Variants in EGFL7 observed in about 807,000 individuals in gnomAD.
The protein encoded by EGFL7 is epidermal growth factor-like protein 7.
Under a neutral mutation model 37.1 loss-of-function variants are expected in EGFL7, and 48 were observed. That is an observed-to-expected ratio of 1.29 (90% confidence interval 1.03 to 1.65). The LOEUF is 1.65. Ranked by LOEUF, EGFL7 falls within the 40% of genes most tolerant of loss-of-function variation. EGFL7 has a pLI of 0.00. For synonymous variants in EGFL7, 180 were observed against 156.8 expected (o/e 1.15, Z -1.10); for missense variants, 384 against 378.9 (o/e 1.01, Z -0.11).
At chr9:136,667,518 G>A (rs560886312) in intron 3 of EGFL7, among the ~76,000 whole-genome samples, 1 of 152,322 alleles carries the variant, frequency 6.6e-6, no homozygotes, top group Admixed American at 6.5e-5. Flanking sequence ...CAGCCAGGAG[G>A]GGGTTGGATT....
rs573709708 is a variant in EGFL7 at position 136,670,386 on chromosome 9, C to T, written c.571+56C>T. 10 of 1,492,752 alleles carry T rather than the reference C, an allele frequency of 6.7e-6. No individual in the cohort carries two copies. In the East Asian group the frequency reaches 7.4e-5, roughly 11 times the overall value. 92.5% of individuals were successfully genotyped at this position (1,492,752 alleles called of 1,614,324 possible). On this transcript the variant is annotated intron_variant, in intron 8 of 10. Transcript: ENST00000308874. ...GAGGCGGGCAGGCAGTGGACATTGCCGTGTGGCTGTTAGGCATGGTGGGGG... is the reference window on the plus strand; with the variant it reads ...GAGGCGGGCAGGCAGTGGACATTGCTGTGTGGCTGTTAGGCATGGTGGGGG...
upstream of EGFL7, among the ~76,000 whole-genome samples, chr9:136,662,349 C>T (rs1040874427): frequency 6.6e-6 from 1 of 152,176 alleles, no homozygotes; most frequent in South Asian, 2.1e-4. Flanking sequence ...CAGGGACCCA[C>T]GGAACAGGCT....
rs949230432 is a variant in EGFL7 at position 136,672,571 on chromosome 9, C to A, written c.*285C>A. On this transcript the variant is annotated 3_prime_UTR_variant, in exon 11 of 11. Transcript: ENST00000308874. ...CCTCAGCTGAGGGAAGGTACGAGCT[C>A]CCTGCTGGAGCCTGGGACCCATGGC... The A allele has an allele frequency of 3.5e-6, 2 of 572,822 alleles. No homozygotes were observed. The highest frequency in any genetic ancestry group is 3.7e-5 in the African/African-American group (2 of 53,436). 35.5% of individuals were successfully genotyped at this position (572,822 alleles called of 1,614,324 possible). A position where few individuals can be genotyped will look rare whatever the true frequency, so the allele number is the denominator to read the frequency against.
intron 8 of EGFL7, chr9:136,670,683 G>A (rs765848132): frequency 4.0e-5 from 31 of 772,808 alleles, no homozygotes; most frequent in South Asian, 2.0e-4. Context: ...CGCCGTCCAC[G>A]GCACCGCATC....
rs891745494 is a variant in EGFL7 at position 136,666,590 on chromosome 9, G to A, written c.-42-1651G>A. On this transcript the variant is annotated intron_variant, in intron 3 of 10. Coordinates refer to ENST00000308874, the MANE Select transcript of EGFL7 (RefSeq NM_016215.5). This position sits in a 1 kb window ranked among gnomAD's most constrained non-coding sequence, Gnocchi z 6.8. ...CTTTCAAAAATTGAGTCTCCACTTAGCACCGCTTCCTGTCCAGGCGACTCT... is the reference window on the plus strand; with the variant it reads ...CTTTCAAAAATTGAGTCTCCACTTAACACCGCTTCCTGTCCAGGCGACTCT... Among the ~76,000 whole-genome samples, 1 of 151,962 alleles carries A rather than the reference G, an allele frequency of 6.6e-6. No homozygotes were observed. The highest frequency in any genetic ancestry group is 1.5e-5 in the Non-Finnish European group (1 of 67,960).
chr9:136,671,614 C>T (rs1270956691), intron 9 of EGFL7, among the ~76,000 whole-genome samples: 2 of 151,514 alleles, frequency 1.3e-5, no homozygotes, highest in Admixed American at 6.6e-5. Context: ...GACCTCCCCA[C>T]CCCCCCATCT....
chr9:136,665,719 T>TGGGGCGGGGCCGGGGGC (rs1564273425), intron 3 of EGFL7: 4 of 12,858 alleles, frequency 3.1e-4, no homozygotes, highest in Admixed American at 4.4e-4. Context: ...GGCCGCCAGG[T>TGGGGCGGGGCCGGGGGC]GGGGCGGGGC....
chr9:136,670,147 C>G, intron 7 of EGFL7, 22 bp from the exon 8 acceptor site: 1 of 1,612,608 alleles, frequency 6.2e-7, no homozygotes, highest in African/African-American at 1.3e-5. Context: ...GGCATGGCCG[C>G]CTGACACCCC....
intron 5 of EGFL7, 31 bp from the exon 6 acceptor site, chr9:136,669,575 G>A (rs1845701587): frequency 6.6e-7 from 1 of 1,523,980 alleles, no homozygotes; most frequent in Non-Finnish European, 9.0e-7. Flanking sequence ...GGAGTAGGAT[G>A]CCCCTCTGAG....
At chr9:136,665,719 T>G (rs1416134244) in intron 3 of EGFL7, 5 of 12,880 alleles carry the variant, frequency 3.9e-4, no homozygotes, top group East Asian at 1.3e-3. Flanking sequence ...GGCCGCCAGG[T>G]GGGGCGGGGC....
chr9:136,671,278 CG>C (rs59534073), intron 9 of EGFL7, among the ~76,000 whole-genome samples: 4 of 19,878 alleles, frequency 2.0e-4, no homozygotes, highest in African/African-American at 4.5e-4. Context: ...GATGAGGCGT[CG>C]GGGGGGGAGG....
chr9:136,669,750 G>A (rs1398598239), intron 6 of EGFL7, 29 bp downstream of exon 6: 3 of 1,521,996 alleles, frequency 2.0e-6, no homozygotes, highest in African/African-American at 1.4e-5. Context: ...GGCGCCCGGT[G>A]TTAGGAGGGC....
At chr9:136,668,476 G>A in intron 4 of EGFL7, 81 bp from the exon 5 acceptor site, 2 of 1,543,742 alleles carry the variant, frequency 1.3e-6, no homozygotes, top group Non-Finnish European at 1.8e-6. Flanking sequence ...CCTGCTGAGG[G>A]TCCTGCCCCG....
chr9:136,668,734 G>A, intron 5 of EGFL7, 61 bp downstream of exon 5: 1 of 1,382,378 alleles, frequency 7.2e-7, no homozygotes, highest in Non-Finnish European at 1.0e-6. Context: ...CCACACATCA[G>A]CATGTCAGGG....
At position 136,672,034 on chromosome 9, in the gene EGFL7, C is replaced by T. The variant is rs779245785; in HGVS notation, c.745C>T (p.Arg249Cys). 4.3e-5 allele frequency: 66 copies of T among 1,545,170 alleles called. No individual in the cohort carries two copies. Among genetic ancestry groups the T allele is most frequent in the Admixed American group, 2.7e-4 (14 of 51,006 alleles). Residue 249 changes from arginine (R) to cysteine (C), a missense_variant, in exon 10 of 11, where the codon CGC (arginine) becomes TGC (cysteine). By Grantham distance (180) the Arg-to-Cys change is radical (BLOSUM62 -3). Transcript: ENST00000308874. ...GGTGCACTCCTTCCAGCAGCTCGGC[C>T]GCATCGACTCCCTGAGCGAGCAGAT... Reference protein sequence around the residue: ...LLVHSFQQLGRIDSLSEQISF... With the variant: ...LLVHSFQQLGCIDSLSEQISF...
intron 8 of EGFL7, 123 bp from the exon 9 acceptor site, chr9:136,670,827 C>A: frequency 1.1e-6 from 1 of 926,418 alleles, no homozygotes; most frequent in Non-Finnish European, 1.7e-6. Context: ...AGGCAGGCAG[C>A]GGGGGCGGCA....
chr9:136,664,852 C>T (rs958778018), intron 3 of EGFL7, 67 bp downstream of exon 3: 1 of 152,330 alleles, frequency 6.6e-6, no homozygotes, highest in African/African-American at 2.4e-5. Flanking sequence ...CGGGTTATGA[C>T]ACAGGGCGCT....
chr9:136,669,468 C>CA (rs1257404253), intron 5 of EGFL7, 138 bp from the exon 6 acceptor site: 9 of 643,414 alleles, frequency 1.4e-5, no homozygotes, highest in Non-Finnish European at 2.2e-5. Flanking sequence ...AGTGACCCCT[C>CA]AGTGCCATCC....
chr9:136,662,956 G>A lies in EGFL7; in HGVS notation c.-505G>A, dbSNP rs1377249232. On this transcript the variant is annotated 5_prime_UTR_variant, in exon 1 of 11. Transcript: ENST00000308874. ...CAAGCTGGCCCTGCACGGCTGCAAG[G>A]GAGGCTCCTGTGGACAGGCCAGGCA... The A allele has an allele frequency of 6.6e-6, 1 of 152,308 alleles. No individual in the cohort carries two copies. The highest frequency in any genetic ancestry group is 1.9e-4 in the East Asian group (1 of 5,186). 9.4% of individuals were successfully genotyped at this position (152,308 alleles called of 1,614,324 possible).
Sources: allele counts gnomAD v4.1 joint callset (sites outside exome capture counted in the v4.1 genomes callset), GRCh38; gene constraint gnomAD v4.1.1; non-coding constraint Gnocchi (gnomAD v3.1); transcripts MANE v1.5; gene names NCBI Gene and HGNC (gene_info 2026-07-23, HGNC 2026-07-21).